Variants in SLC2A14 observed in about 807,000 individuals in gnomAD.
The protein encoded by SLC2A14 is solute carrier family 2, facilitated glucose transporter member 14.
SLC2A14 carries 13 observed loss-of-function variants against 43.0 expected under a neutral mutation model. That is an observed-to-expected ratio of 0.30 (90% CI 0.20 to 0.48). The LOEUF is 0.48. SLC2A14 is among the 20% of genes least tolerant of loss of function. The pLI, the probability that SLC2A14 is intolerant of heterozygous loss-of-function variation, is 0.99. For synonymous variants in SLC2A14, 190 were observed against 233.8 expected, an observed-to-expected ratio of 0.81 and a Z score of 1.71; for missense variants, 428 against 620.4, an observed-to-expected ratio of 0.69 and a Z score of 3.29.
upstream of SLC2A14, among the ~76,000 whole-genome samples, chr12:7,876,037 G>A (rs1443904344): frequency 2.0e-5 from 3 of 151,732 alleles, no homozygotes; most frequent in South Asian, 2.1e-4. Context: ...CTAGCACTTC[G>A]GGAGGCCGAG....
chr12:7,874,828 T>C (rs193019891), upstream of SLC2A14, among the ~76,000 whole-genome samples: 1 of 66,404 alleles, frequency 1.5e-5, no homozygotes, highest in East Asian at 1.3e-3. Context: ...ATATATAAAT[T>C]ATATATAAAT....
chr12:7,863,130 T>A (rs1944684511), intron 2 of SLC2A14, among the ~76,000 whole-genome samples: 1 of 152,050 alleles, frequency 6.6e-6, no homozygotes, highest in Non-Finnish European at 1.5e-5. Flanking sequence ...GAGCTGTAAC[T>A]CTCACCGCAA....
In SLC2A14 at chr12:7,882,719, C is replaced by G. The variant is rs370896575; in HGVS notation, c.132+8277G>C. Among the ~76,000 whole-genome samples the G allele has an allele frequency of 2.0e-5, 3 of 152,044 alleles. No homozygotes were observed. The South Asian group carries it at 6.2e-4, about 32-fold the overall frequency. On this transcript the variant is annotated intron_variant, in intron 1 of 9. Coordinates refer to the SLC2A14 transcript ENST00000539924. ...CAGCATAGTGGCGCACGCCTGTAATCCCAGCTACGTGGGAAGCTGAGGCTG... is the reference window on the plus strand; with the variant it reads ...CAGCATAGTGGCGCACGCCTGTAATGCCAGCTACGTGGGAAGCTGAGGCTG...
rs1341731855 is a variant in SLC2A14 at position 7,880,488 on chromosome 12, T to A, written c.132+10508A>T. Among the ~76,000 whole-genome samples, 46 of 101,892 alleles carry A rather than the reference T, an allele frequency of 4.5e-4. 3 individuals carry two copies. In the South Asian group the frequency reaches 0.011, roughly 25 times the overall value. The allele number at this position is 101,892 out of a possible 152,430, so 66.8% of individuals were successfully genotyped here. A position where few individuals can be genotyped will look rare whatever the true frequency, so the allele number is the denominator to read the frequency against. ...AGACTCTTGTCTCAAAAAAAAAAAA[T>A]ACTGATTAATCAATATTAATCAATA... On this transcript the variant is annotated intron_variant, in intron 1 of 9. Coordinates refer to the SLC2A14 transcript ENST00000539924.
chr12:7,881,546 G>A (rs776564308), intron 1 of SLC2A14, among the ~76,000 whole-genome samples: 81 of 152,246 alleles, frequency 5.3e-4, no homozygotes, highest in African/African-American at 1.8e-3. Context: ...CCTGCAGCCC[G>A]CCATGCCTGA....
intron 2 of SLC2A14, among the ~76,000 whole-genome samples, chr12:7,842,967 A>G (rs1298330802): frequency 6.6e-6 from 1 of 152,018 alleles, no homozygotes; most frequent in Non-Finnish European, 1.5e-5. Flanking sequence ...ACCTCAGGTG[A>G]TCCGCCCGCC....
At chr12:7,825,450 A>G (rs1445403092) in intron 7 of SLC2A14, among the ~76,000 whole-genome samples, 1 of 83,868 alleles carries the variant, frequency 1.2e-5, no homozygotes. Context: ...ACAGAGCAAG[A>G]CTACCTCTCA....
At chr12:7,846,736 A>C in intron 2 of SLC2A14, among the ~76,000 whole-genome samples, 1 of 123,830 alleles carries the variant, frequency 8.1e-6, no homozygotes, top group Non-Finnish European at 1.8e-5. Context: ...GGTTCAAGCG[A>C]TTCTCCTGCC....
At chr12:7,891,053 A>G in exon 1 of SLC2A14, 1 of 1,535,192 alleles carries the variant, frequency 6.5e-7, no homozygotes, top group East Asian at 2.4e-5. Flanking sequence ...GAGAAGAAAA[A>G]AAGAAATGCC....
chr12:7,882,179 A>G, intron 1 of SLC2A14, among the ~76,000 whole-genome samples: 1 of 152,020 alleles, frequency 6.6e-6, no homozygotes, highest in Non-Finnish European at 1.5e-5. Context: ...ACTCACCGTG[A>G]AAGTCTGTAG....
intron 1 of SLC2A14, chr12:7,871,154 AG>A (rs1945210752): frequency 7.8e-7 from 1 of 1,283,606 alleles, no homozygotes; most frequent in Admixed American, 2.9e-5. Context: ...ACAGACCCCC[AG>A]GATGTGATCC....
At chr12:7,818,122 T>G in intron 9 of SLC2A14, 88 bp from the exon 10 acceptor site, 12 of 1,239,954 alleles carry the variant, frequency 9.7e-6, no homozygotes, top group Non-Finnish European at 1.4e-5. Flanking sequence ...GGCAAGCTCC[T>G]CCTGTCCTGA....
chr12:7,832,236 A>T (rs1865103454), intron 3 of SLC2A14, among the ~76,000 whole-genome samples: 1 of 152,200 alleles, frequency 6.6e-6, no homozygotes. Flanking sequence ...CTGGAATAGT[A>T]ATTTTTCATT....
upstream of SLC2A14, among the ~76,000 whole-genome samples, chr12:7,875,995 C>A (rs1945458275): frequency 2.0e-5 from 3 of 149,954 alleles, no homozygotes; most frequent in African/African-American, 7.3e-5. Flanking sequence ...AAAGAGACAC[C>A]AAGCTGGGTG....
chr12:7,883,671 C>A (rs745352517), intron 1 of SLC2A14, among the ~76,000 whole-genome samples: 3 of 141,158 alleles, frequency 2.1e-5, no homozygotes, highest in Admixed American at 1.5e-4. Context: ...ACAGCCTCTG[C>A]TTCCCAGGTT....
At chr12:7,828,951 A>C (rs1864756202) in intron 5 of SLC2A14, 85 bp from the exon 6 acceptor site, 3 of 1,522,480 alleles carry the variant, frequency 2.0e-6, no homozygotes, top group Non-Finnish European at 2.7e-6. Flanking sequence ...GGCTGGGCGC[A>C]GTAGCTTACG....
intron 2 of SLC2A14, among the ~76,000 whole-genome samples, chr12:7,852,369 A>T (rs2078173): frequency 0.36 from 54,777 of 151,956 alleles, 10,300 homozygotes; most frequent in Admixed American, 0.51. Context: ...ATTTTACAAA[A>T]GTGGAAAAAA....
chr12:7,873,348 A>G, upstream of SLC2A14: 2 of 985,164 alleles, frequency 2.0e-6, no homozygotes, highest in Non-Finnish European at 2.4e-6. Flanking sequence ...GATCCTGTAA[A>G]GAGTTATTTC....
chr12:7,817,343 G>T (rs1009891540), intron 10 of SLC2A14, among the ~76,000 whole-genome samples: 3 of 152,028 alleles, frequency 2.0e-5, no homozygotes, highest in African/African-American at 7.2e-5. Flanking sequence ...TCTACCTCCC[G>T]ACCTCAGGTG....
Sources: allele counts gnomAD v4.1 joint callset (sites outside exome capture counted in the v4.1 genomes callset), GRCh38; gene constraint gnomAD v4.1.1; transcripts MANE v1.5; gene names NCBI Gene and HGNC (gene_info 2026-07-23, HGNC 2026-07-21).